Variants in MEGF11 observed in about 807,000 individuals in gnomAD.
MEGF11 encodes the protein multiple epidermal growth factor-like domains protein 11.
In MEGF11, 126 loss-of-function variants were observed where a neutral mutation model predicts 146.6. That is an observed-to-expected ratio of 0.86 (90% CI 0.74 to 1.00). The LOEUF (loss-of-function observed/expected upper bound fraction) is 1.00, where lower values mean the gene tolerates loss of function less well. Ranked by LOEUF, MEGF11 falls within the 50% of genes least tolerant of loss-of-function variation. The pLI, the probability that MEGF11 is intolerant of heterozygous loss-of-function variation, is 0.00. For synonymous variants in MEGF11, 532 were observed against 583.4 expected, an observed-to-expected ratio of 0.91 and a Z score of 1.27; for missense variants, 1,509 against 1,521.2, an observed-to-expected ratio of 0.99 and a Z score of 0.13.
chr15:66,251,607 A>C (rs2092371625), intron 1 of MEGF11, among the ~76,000 whole-genome samples: 1 of 152,156 alleles, frequency 6.6e-6, no homozygotes, highest in Non-Finnish European at 1.5e-5. Flanking sequence ...ACACACACCC[A>C]GCCCTCGAGC....
intron 1 of MEGF11, among the ~76,000 whole-genome samples, chr15:66,190,340 G>A (rs2090835773): frequency 6.6e-6 from 1 of 152,132 alleles, no homozygotes; most frequent in Non-Finnish European, 1.5e-5. Flanking sequence ...GGCCTCAAGC[G>A]ATCCTCCCAC....
At chr15:65,992,460 G>GGGT (rs1555459394) in intron 5 of MEGF11, among the ~76,000 whole-genome samples, 2 of 143,254 alleles carry the variant, frequency 1.4e-5, no homozygotes, top group African/African-American at 2.5e-5. Context: ...TGGGGGGGGG[G>GGGT]GTTAGTCACA....
chr15:66,183,271 G>C lies in MEGF11; in HGVS notation c.-8-54860C>G, dbSNP rs118023870. ...TCCCAGCACTTTGGGAGGCTGAGAT[G>C]GGAGGATCGCCCATGGTCAGGAGTT... is the stretch of plus-strand genomic sequence containing the variant. On this transcript the variant is annotated intron_variant, in intron 1 of 25. Transcript: ENST00000395614. 6.8e-3 allele frequency among the ~76,000 whole-genome samples: 1,029 copies of C among 152,254 alleles called. 7 individuals carry two copies. Among genetic ancestry groups the C allele is most frequent in the Non-Finnish European group, 0.012 (836 of 68,012 alleles).
intron 5 of MEGF11, among the ~76,000 whole-genome samples, chr15:66,037,300 G>A (rs2083762226): frequency 6.6e-6 from 1 of 152,210 alleles, no homozygotes; most frequent in Non-Finnish European, 1.5e-5. Flanking sequence ...GAACCAATAA[G>A]CATTTACTAA....
At chr15:65,985,066 G>A (rs992058567) in intron 5 of MEGF11, among the ~76,000 whole-genome samples, 18 of 152,282 alleles carry the variant, frequency 1.2e-4, no homozygotes, top group African/African-American at 3.6e-4. Context: ...ACCACGCCCG[G>A]CCAGACAGCC....
intron 1 of MEGF11, among the ~76,000 whole-genome samples, chr15:66,211,143 A>G (rs533284404): frequency 1.0e-3 from 159 of 152,250 alleles, no homozygotes; most frequent in Admixed American, 1.6e-3. Flanking sequence ...TGCCACCTCC[A>G]TTCCCCTGGA....
At chr15:66,087,278 T>C (rs574425306) in intron 5 of MEGF11, among the ~76,000 whole-genome samples, 2 of 151,966 alleles carry the variant, frequency 1.3e-5, no homozygotes, top group African/African-American at 4.8e-5. Context: ...AGACAGAAAG[T>C]CAACAAAAAA....
chr15:65,980,853 C>T lies in MEGF11; in HGVS notation c.687G>A (p.Glu229=), dbSNP rs2081613087. The T allele has an allele frequency of 6.3e-7, 1 of 1,596,360 alleles. No homozygotes were observed. The highest frequency in any genetic ancestry group is 1.7e-5 in the Admixed American group (1 of 57,246). The change falls in exon 7 of 26, where the codon GAG becomes GAA. Residue 229 remains glutamate, a synonymous_variant. Coordinates refer to ENST00000395614, the MANE Select transcript of MEGF11 (RefSeq NM_001385028.1). ...CPPGSHGAHC[E]LRCPCQNGGT... ...CCCCATTCTGACAGGGGCAGCGCAG[C>T]TCACAGTGAGCTCCATGGCTCCCAG...
At position 65,897,629 on chromosome 15, in the gene MEGF11, A is replaced by AATAT. The variant is rs34646282; in HGVS notation, c.*301_*304dup. 48 of 178,898 alleles carry AATAT rather than the reference A, an allele frequency of 2.7e-4. No individual in the cohort carries two copies. The highest frequency in any genetic ancestry group is 5.4e-4 in the African/African-American group (23 of 42,542). The allele number at this position is 178,898 out of a possible 1,614,324, so 11.1% of individuals were successfully genotyped here. A position where few individuals can be genotyped will look rare whatever the true frequency, so the allele number is the denominator to read the frequency against. On this transcript the variant is annotated 3_prime_UTR_variant, in exon 26 of 26. Transcript: ENST00000395614. The stretch of plus-strand genomic sequence containing the variant: ...TTTTTAAAATATCACGTTTCAGATA[A>AATAT]ATATATATATATATATCAGCTATAT...
intron 4 of MEGF11, among the ~76,000 whole-genome samples, chr15:66,114,484 A>G (rs949705271): frequency 4.6e-5 from 7 of 152,230 alleles, no homozygotes; most frequent in Admixed American, 3.3e-4. Context: ...GTCCTGTATC[A>G]TCTGGTTTGA....
intron 5 of MEGF11, among the ~76,000 whole-genome samples, chr15:66,088,635 ACAGAG>A (rs1450525234): frequency 6.9e-6 from 1 of 144,548 alleles, no homozygotes; most frequent in Non-Finnish European, 1.5e-5. Flanking sequence ...AGCCTGGGCG[ACAGAG>A]CAAGACTTCA....
intron 5 of MEGF11, among the ~76,000 whole-genome samples, chr15:66,011,203 G>GTC (rs982104503): frequency 6.6e-6 from 1 of 152,132 alleles, no homozygotes; most frequent in Non-Finnish European, 1.5e-5. Context: ...TGTGGCCACC[G>GTC]TAAGATTTCA....
chr15:66,098,650 A>T (rs2086652963), intron 4 of MEGF11, among the ~76,000 whole-genome samples: 1 of 152,184 alleles, frequency 6.6e-6, no homozygotes, highest in Non-Finnish European at 1.5e-5. Flanking sequence ...GCTCCAAGGC[A>T]CATTGATCAG....
chr15:66,196,066 ACAGAGCACT>A (rs2091002230), intron 1 of MEGF11, among the ~76,000 whole-genome samples: 1 of 152,114 alleles, frequency 6.6e-6, no homozygotes, highest in South Asian at 2.1e-4. Flanking sequence ...AGGAGGGCAC[ACAGAGCACT>A]CAGAGCACTA....
chr15:66,129,805 G>A (rs2088562535), intron 1 of MEGF11, among the ~76,000 whole-genome samples: 1 of 152,164 alleles, frequency 6.6e-6, no homozygotes, highest in Non-Finnish European at 1.5e-5. Context: ...CTCCTTCAAA[G>A]ATAAACAAAT....
intron 20 of MEGF11, chr15:65,913,516 C>T (rs1250606252): frequency 3.4e-6 from 2 of 594,684 alleles, no homozygotes; most frequent in Non-Finnish European, 6.0e-6. Flanking sequence ...GCAGGAGGCT[C>T]CCAACCACAG....
At chr15:65,929,405 G>C (rs2079491823) in intron 12 of MEGF11, among the ~76,000 whole-genome samples, 1 of 152,192 alleles carries the variant, frequency 6.6e-6, no homozygotes, top group Non-Finnish European at 1.5e-5. Context: ...TTGTAGCACT[G>C]GGTTGTGAAG....
intron 5 of MEGF11, among the ~76,000 whole-genome samples, chr15:66,056,949 C>G (rs1424679130): frequency 2.0e-5 from 3 of 152,238 alleles, no homozygotes; most frequent in Admixed American, 6.5e-5. Flanking sequence ...ATGTTGCAGT[C>G]TATAAATTAC....
chr15:66,197,016 T>A (rs1243230220), intron 1 of MEGF11, among the ~76,000 whole-genome samples: 1 of 152,242 alleles, frequency 6.6e-6, no homozygotes, highest in Non-Finnish European at 1.5e-5. Flanking sequence ...TGGATCCCTT[T>A]TGTCACATAA....
Sources: gnomAD v4.1 joint callset for allele counts (sites outside exome capture counted in the v4.1 genomes callset) on GRCh38, gnomAD v4.1.1 for gene constraint, MANE v1.5 for transcripts, NCBI Gene and HGNC (gene_info 2026-07-23, HGNC 2026-07-21) for gene names.